Variants in USP6NL observed in about 807,000 individuals in gnomAD.
USP6NL encodes the protein USP6 N-terminal-like protein.
In USP6NL, 26 loss-of-function variants were observed where a neutral mutation model predicts 61.9. That is an observed-to-expected ratio of 0.42 (90% CI 0.31 to 0.58). USP6NL has a LOEUF of 0.58. Ranked by LOEUF, USP6NL falls within the 20% of genes least tolerant of loss-of-function variation. The probability of loss-of-function intolerance (pLI) is 0.16; values close to 1 mark genes in which losing one functional copy is unlikely to be tolerated. For missense variants in USP6NL, 1,114 were observed against 1,034.3 expected (o/e 1.08, Z -1.06); for synonymous variants, 432 against 390.1 (o/e 1.11, Z -1.27).
rs1037766761 is a variant in USP6NL at position 11,602,932 on chromosome 10, C to T, written c.-83-5215G>A. Among the ~76,000 whole-genome samples, 1 of 152,182 alleles carries T rather than the reference C, an allele frequency of 6.6e-6. No homozygotes were observed. The highest frequency in any genetic ancestry group is 2.1e-4 in the South Asian group (1 of 4,832). The stretch of plus-strand genomic sequence containing the variant: ...ACACTGTACTTTCACAGTTCTTATG[C>T]TTTCCCTAAAGAATGCTCTTGCTGC... On this transcript the variant is annotated intron_variant, in intron 1 of 14. Transcript: ENST00000609104. The surrounding 1 kb of genome is among the most constrained non-coding windows in gnomAD (Gnocchi z 4.8).
At chr10:11,556,830 T>A (rs1226905587) in intron 2 of USP6NL, among the ~76,000 whole-genome samples, 1 of 152,190 alleles carries the variant, frequency 6.6e-6, no homozygotes, top group South Asian at 2.1e-4. Flanking sequence ...TTGTAATACA[T>A]AGAGAGGTCA....
chr10:11,463,012 TG>T lies in USP6NL; in HGVS notation c.1915del (p.His639ThrfsTer26). 1.2e-6 allele frequency: 2 copies of T among 1,613,660 alleles called. No individual in the cohort carries two copies. The highest frequency in any genetic ancestry group is 2.2e-5 in the East Asian group (1 of 44,860). On this transcript the variant is annotated frameshift_variant, in exon 15 of 15. Coordinates refer to ENST00000609104, the MANE Select transcript of USP6NL (RefSeq NM_014688.5). LOFTEE classifies it low-confidence loss of function (END_TRUNC). This position sits in a 1 kb window ranked among gnomAD's most constrained non-coding sequence, Gnocchi z 6.3. ...AGGGAAGTGTTTGGGAGAGTTTCCG[TG>T]GTAAACGGGGGGATTGCTGTAGGAG... ...PPSYSNPPVY[H>X]GNSPKHFPTA...
chr10:11,481,797 G>A lies in USP6NL; in HGVS notation c.1051C>T (p.Arg351Trp), dbSNP rs756283687. Residue 351 changes from arginine (R) to tryptophan (W), a missense_variant, in exon 14 of 15, where the codon CGG (arginine) becomes TGG (tryptophan). Coordinates refer to ENST00000609104, the MANE Select transcript of USP6NL (RefSeq NM_014688.5). The surrounding 1 kb of genome is among the most constrained non-coding windows in gnomAD (Gnocchi z 4.4). ...GGTTCTGGAAGGTCTAACTTTGCCC[G>A]CTTTAGTTCTGTCATAGAAATCTGA... Reference protein sequence around the residue: ...QLQISMTELKRAKLDLPEPGK... With the variant: ...QLQISMTELKWAKLDLPEPGK... The A allele has an allele frequency of 1.6e-5, 26 of 1,612,474 alleles. No individual in the cohort carries two copies. The highest frequency in any genetic ancestry group is 4.5e-5 in the East Asian group (2 of 44,862).
chr10:11,559,897 T>C (rs1836857286), intron 2 of USP6NL, among the ~76,000 whole-genome samples: 1 of 152,082 alleles, frequency 6.6e-6, no homozygotes, highest in African/African-American at 2.4e-5. Context: ...CACCACACCA[T>C]ATAAGTCTGT....
chr10:11,511,909 C>T lies in USP6NL; in HGVS notation c.196-2234G>A, dbSNP rs138475332. On this transcript the variant is annotated intron_variant, in intron 5 of 14. Coordinates refer to ENST00000609104, the MANE Select transcript of USP6NL (RefSeq NM_014688.5). This position sits in a 1 kb window ranked among gnomAD's most constrained non-coding sequence, Gnocchi z 4.9. ...ATCAGTATTCAATCAAGTTTAAGTG[C>T]TAACTCCATAATGCTGTCCATTCAA... 6.5e-3 allele frequency among the ~76,000 whole-genome samples: 996 copies of T among 152,064 alleles called. 7 individuals are homozygous for T. Among genetic ancestry groups the T allele is most frequent in the African/African-American group, 0.021 (884 of 41,482 alleles).
chr10:11,501,662 G>C (rs7085769), intron 6 of USP6NL, among the ~76,000 whole-genome samples: 1 of 152,078 alleles, frequency 6.6e-6, no homozygotes, highest in East Asian at 1.9e-4. Context: ...GTAGAGTGCT[G>C]ACTCCTAATC....
At chr10:11,566,630 C>A (rs1837169662) in intron 2 of USP6NL, among the ~76,000 whole-genome samples, 1 of 152,204 alleles carries the variant, frequency 6.6e-6, no homozygotes, top group Non-Finnish European at 1.5e-5. Flanking sequence ...CAATACTGTC[C>A]AACAGAGCTT....
chr10:11,604,087 G>A (rs573544291), intron 1 of USP6NL, among the ~76,000 whole-genome samples: 4 of 152,252 alleles, frequency 2.6e-5, no homozygotes, highest in Admixed American at 1.3e-4. Flanking sequence ...TGTAAAATGA[G>A]AGTTAAAATT....
intron 2 of USP6NL, among the ~76,000 whole-genome samples, chr10:11,555,152 A>G (rs1476093920): frequency 1.4e-5 from 2 of 138,644 alleles, no homozygotes; most frequent in African/African-American, 5.4e-5. Context: ...GCAGTGGCTC[A>G]CGGCTCTAAT....
In USP6NL at chr10:11,490,166, T is replaced by G. The variant is rs1833648856; in HGVS notation, c.543+666A>C. Among the ~76,000 whole-genome samples, 1 of 152,266 alleles carries G rather than the reference T, an allele frequency of 6.6e-6. No individual in the cohort carries two copies. Among genetic ancestry groups the G allele is most frequent in the South Asian group, 2.1e-4 (1 of 4,830 alleles). On this transcript the variant is annotated intron_variant, in intron 9 of 14. Transcript: ENST00000609104. The surrounding 1 kb of genome is among the most constrained non-coding windows in gnomAD (Gnocchi z 4.5). ...ACTTTTCCTAGTTTGAGCGAATTTC[T>G]GTTCTTATAATTTAAAGGTTTTAAC...
chr10:11,586,083 GTACTTTACCA>G (rs1416313631), intron 2 of USP6NL, among the ~76,000 whole-genome samples: 2 of 152,118 alleles, frequency 1.3e-5, no homozygotes, highest in Non-Finnish European at 1.5e-5. Context: ...AATGGTCTGT[GTACTTTACCA>G]TAATTTTTTA....
rs1338531042 is a variant in USP6NL at position 11,493,189 on chromosome 10, T to C, written c.424A>G (p.Arg142Gly). The C allele has an allele frequency of 6.2e-7, 1 of 1,612,314 alleles. No individual in the cohort carries two copies. The highest frequency in any genetic ancestry group is 8.5e-7 in the Non-Finnish European group (1 of 1,179,104). ...CGGTTGACATCCAGGTCTATTTGTC[T>C]GATGTCAGGTGAACAGCCCCGTGCT... The part of the protein sequence containing the change: ...HRARGCSPDI[R>G]QIDLDVNRTF... The change falls in exon 8 of 15, where the codon AGA becomes GGA. Residue 142 changes from arginine to glycine, a missense_variant. Arg to Gly is a moderately radical substitution (Grantham distance 125). Transcript: ENST00000609104.
Position 11,611,541 on chromosome 10 carries a change from C to T in USP6NL, c.-182G>A. 2 of 160,750 alleles carry T rather than the reference C, an allele frequency of 1.2e-5. No homozygotes were observed. Among genetic ancestry groups the T allele is most frequent in the Non-Finnish European group, 2.7e-5 (2 of 74,292 alleles). 10.0% of individuals were successfully genotyped at this position (160,750 alleles called of 1,614,324 possible). A position where few individuals can be genotyped will look rare whatever the true frequency, so the allele number is the denominator to read the frequency against. On this transcript the variant is annotated 5_prime_UTR_variant, in exon 1 of 15. Coordinates refer to ENST00000609104, the MANE Select transcript of USP6NL (RefSeq NM_014688.5). The surrounding 1 kb of genome is among the most constrained non-coding windows in gnomAD (Gnocchi z 5.3). ...GCGCGGCGCGGCGCGGCGGCGGCGG[C>T]GGCTACCGCAGTGCCCTCCGCCCCA...
intron 1 of USP6NL, among the ~76,000 whole-genome samples, chr10:11,601,626 T>C (rs1838534379): frequency 6.6e-6 from 1 of 152,240 alleles, no homozygotes; most frequent in Admixed American, 6.5e-5. Flanking sequence ...TTAATATATG[T>C]AACCACATAT....
chr10:11,559,581 A>G (rs1836846542), intron 2 of USP6NL, among the ~76,000 whole-genome samples: 1 of 152,142 alleles, frequency 6.6e-6, no homozygotes, highest in Non-Finnish European at 1.5e-5. Flanking sequence ...ACATATATAT[A>G]TATCATCTAA....
intron 2 of USP6NL, among the ~76,000 whole-genome samples, chr10:11,590,739 G>A (rs1276010818): frequency 6.6e-6 from 1 of 151,838 alleles, no homozygotes; most frequent in Non-Finnish European, 1.5e-5. Context: ...ATATTTAAGA[G>A]GATTAATTTG....
intron 2 of USP6NL, chr10:11,563,930 A>G (rs1204839003): frequency 6.6e-6 from 1 of 152,236 alleles, no homozygotes; most frequent in African/African-American, 2.4e-5. Flanking sequence ...GATTGTTCAC[A>G]TTACAGAAAG....
At chr10:11,529,277 CA>C in intron 2 of USP6NL, among the ~76,000 whole-genome samples, 1 of 152,222 alleles carries the variant, frequency 6.6e-6, no homozygotes, top group African/African-American at 2.4e-5. Flanking sequence ...TGATAATACT[CA>C]ATGTTGACAA....
In USP6NL at chr10:11,462,137, T is replaced by C. The variant is rs1193150478; in HGVS notation, c.*304A>G. 3.8e-5 allele frequency: 12 copies of C among 319,932 alleles called. No homozygotes were observed. Among genetic ancestry groups the C allele is most frequent in the Non-Finnish European group, 6.3e-5 (11 of 174,578 alleles). The allele number at this position is 319,932 out of a possible 1,614,324, so 19.8% of individuals were successfully genotyped here. On this transcript the variant is annotated 3_prime_UTR_variant, in exon 15 of 15. Coordinates refer to ENST00000609104, the MANE Select transcript of USP6NL (RefSeq NM_014688.5). ...GAATGAGCCAACAGAGTAAAAATGT[T>C]CAGGTTTTGGAGAAAAACATAACCG...
Sources: gnomAD v4.1 joint callset for allele counts (sites outside exome capture counted in the v4.1 genomes callset) on GRCh38, gnomAD v4.1.1 for gene constraint, Gnocchi (gnomAD v3.1) non-coding constraint, MANE v1.5 for transcripts, NCBI Gene and HGNC (gene_info 2026-07-23, HGNC 2026-07-21) for gene names.